PTPRD: variants seen among roughly 807,000 people sequenced by gnomAD.
PTPRD encodes the protein protein tyrosine phosphatase receptor type D, also known as receptor-type tyrosine-protein phosphatase delta.
In PTPRD, 34 loss-of-function variants were observed where a neutral mutation model predicts 214.5. The observed-to-expected ratio is 0.16, with a 90% CI of 0.12 to 0.21. The LOEUF is 0.21. Among genes scored for constraint, PTPRD ranks in the 10% least tolerant of loss-of-function variants. The probability of loss-of-function intolerance (pLI) is 1.00; values close to 1 mark genes in which losing one functional copy is unlikely to be tolerated. For missense variants in PTPRD, 2,545 were observed against 2,398.7 expected, an observed-to-expected ratio of 1.06 and a Z score of -1.27; for synonymous variants, 1,128 against 845.7, an observed-to-expected ratio of 1.33 and a Z score of -5.79.
intron 8 of PTPRD, among the ~76,000 whole-genome samples, chr9:9,533,955 T>C (rs539355714): frequency 6.6e-6 from 1 of 152,210 alleles, no homozygotes; most frequent in East Asian, 1.9e-4. Context: ...ATAATAATTA[T>C]ATGATGTGTC....
intron 2 of PTPRD, among the ~76,000 whole-genome samples, chr9:10,444,972 T>C (rs886911715): frequency 6.6e-6 from 1 of 151,752 alleles, no homozygotes; most frequent in Non-Finnish European, 1.5e-5. Context: ...AAAATACAAA[T>C]GTTGTTAAGA....
At chr9:8,787,523 T>A (rs2096037819) in intron 11 of PTPRD, among the ~76,000 whole-genome samples, 1 of 152,152 alleles carries the variant, frequency 6.6e-6, no homozygotes, top group South Asian at 2.1e-4. Flanking sequence ...GTGTACACAA[T>A]AATCTATATT....
chr9:9,035,062 T>C (rs981944871), intron 10 of PTPRD, among the ~76,000 whole-genome samples: 5 of 151,920 alleles, frequency 3.3e-5, no homozygotes, highest in African/African-American at 1.2e-4. Flanking sequence ...ATGGTGAGCT[T>C]TTGGAGTGTG....
At chr9:8,918,623 G>A (rs1336327350) in intron 11 of PTPRD, among the ~76,000 whole-genome samples, 1 of 152,138 alleles carries the variant, frequency 6.6e-6, no homozygotes, top group Non-Finnish European at 1.5e-5. Flanking sequence ...TGTAGCCTAT[G>A]TTAGAAAACA....
At chr9:10,205,513 C>T (rs1458738757) in intron 3 of PTPRD, among the ~76,000 whole-genome samples, 1 of 152,044 alleles carries the variant, frequency 6.6e-6, no homozygotes, top group African/African-American at 2.4e-5. Flanking sequence ...TCAAGTGATT[C>T]TCCTGCCACA....
rs1554901482 is a variant in PTPRD at position 10,230,444 on chromosome 9, C to CTATCTATG, written c.-545+110518_-545+110519insCATAGATA. Reference sequence around the variant, plus strand: ...TGTATCTATGTATCTATGTATCTATCTATCTATCTATCTATCTATCTATCT... The same window carrying CTATCTATG: ...TGTATCTATGTATCTATGTATCTATCTATCTATGTATCTATCTATCTATCTATCTATCT... On this transcript the variant is annotated intron_variant, in intron 3 of 45. Coordinates refer to ENST00000381196, the MANE Select transcript of PTPRD (RefSeq NM_002839.4). Among the ~76,000 whole-genome samples, 526 of 122,342 alleles carry CTATCTATG rather than the reference C, an allele frequency of 4.3e-3. 3 individuals are homozygous for CTATCTATG. The highest frequency in any genetic ancestry group is 0.014 in the African/African-American group (491 of 35,478). 80.3% of individuals were successfully genotyped at this position (122,342 alleles called of 152,430 possible).
At chr9:8,908,485 T>C (rs575889473) in intron 11 of PTPRD, among the ~76,000 whole-genome samples, 2 of 152,094 alleles carry the variant, frequency 1.3e-5, no homozygotes, top group Non-Finnish European at 2.9e-5. Context: ...AGCACATTTT[T>C]AAATAACCCA....
intron 8 of PTPRD, among the ~76,000 whole-genome samples, chr9:9,472,444 C>G (rs998726058): frequency 1.3e-5 from 2 of 151,850 alleles, no homozygotes; most frequent in East Asian, 3.9e-4. Context: ...ACCTCATGAT[C>G]CACCCGCCTC....
intron 9 of PTPRD, among the ~76,000 whole-genome samples, chr9:9,375,489 G>A (rs779247237): frequency 5.9e-5 from 9 of 152,092 alleles, no homozygotes; most frequent in Admixed American, 6.5e-5. Flanking sequence ...CCAGCTACTC[G>A]GGAGGCTGAG....
intron 5 of PTPRD, among the ~76,000 whole-genome samples, chr9:9,874,116 T>C (rs2066200855): frequency 6.6e-6 from 1 of 152,056 alleles, no homozygotes; most frequent in Admixed American, 6.6e-5. Context: ...GTGGTCTGGA[T>C]GAGTAAGAGT....
rs375365344 is a variant in PTPRD, at chr9:9,286,084, A to G, written c.-202-102721T>C. On this transcript the variant is annotated intron_variant, in intron 9 of 45. Coordinates refer to ENST00000381196, the MANE Select transcript of PTPRD (RefSeq NM_002839.4). The stretch of plus-strand genomic sequence containing the variant: ...TAAAAAATGTTGTTAGTATACATAA[A>G]TTTTCTGTGGTAAATTCTTTTGTGA... 4.0e-5 allele frequency among the ~76,000 whole-genome samples: 6 copies of G among 151,798 alleles called. No individual in the cohort carries two copies. The South Asian group carries it at 8.3e-4, about 21-fold the overall frequency.
rs34128512 is a variant in PTPRD, at chr9:9,578,045, C to CAAAAAAAAAAA, written c.-286-3275_-286-3265dup. Among the ~76,000 whole-genome samples, 4 of 102,392 alleles carry CAAAAAAAAAAA rather than the reference C, an allele frequency of 3.9e-5. 2 individuals are homozygous for CAAAAAAAAAAA. 67.2% of individuals were successfully genotyped at this position (102,392 alleles called of 152,430 possible). ...TTGGTGACAGAGTAAGACTCTGTCTCAAAAAAAAAAAAAAAAAAAAAAAAA... is the reference window on the plus strand; with the variant it reads ...TTGGTGACAGAGTAAGACTCTGTCTCAAAAAAAAAAAAAAAAAAAAAAAAAAAAAAAAAAAA... On this transcript the variant is annotated intron_variant, in intron 7 of 45. Coordinates refer to ENST00000381196, the MANE Select transcript of PTPRD (RefSeq NM_002839.4).
At chr9:9,910,431 T>C (rs7860643) in intron 5 of PTPRD, among the ~76,000 whole-genome samples, 61,087 of 151,470 alleles carry the variant, frequency 0.4, 12,839 homozygotes, top group African/African-American at 0.52. Context: ...CCCACGATTT[T>C]CTAGAAGAAA....
intron 3 of PTPRD, among the ~76,000 whole-genome samples, chr9:10,068,606 C>G (rs1388969569): frequency 1.3e-5 from 2 of 151,694 alleles, no homozygotes; most frequent in African/African-American, 4.8e-5. Flanking sequence ...CATATTTGTC[C>G]CTCTTTTTTT....
At chr9:10,403,647 C>G (rs1264129460) in intron 2 of PTPRD, among the ~76,000 whole-genome samples, 2 of 151,364 alleles carry the variant, frequency 1.3e-5, no homozygotes, top group Non-Finnish European at 3.0e-5. Flanking sequence ...TACATACAGA[C>G]CATGAAATAT....
At chr9:10,550,055 T>G (rs1483202456) in intron 2 of PTPRD, among the ~76,000 whole-genome samples, 1 of 152,124 alleles carries the variant, frequency 6.6e-6, no homozygotes, top group Admixed American at 6.6e-5. Context: ...TTCAGAACAA[T>G]GAAATCTAAG....
intron 3 of PTPRD, among the ~76,000 whole-genome samples, chr9:10,267,540 T>A (rs1310228496): frequency 6.6e-6 from 1 of 152,056 alleles, no homozygotes; most frequent in Non-Finnish European, 1.5e-5. Context: ...AGAAAGAAAA[T>A]TCTTGCCCAA....
At chr9:9,321,301 A>T (rs778526187) in intron 9 of PTPRD, among the ~76,000 whole-genome samples, 2 of 152,178 alleles carry the variant, frequency 1.3e-5, no homozygotes, top group Non-Finnish European at 2.9e-5. Flanking sequence ...CATGCCTGTA[A>T]TCCCAACACT....
intron 10 of PTPRD, among the ~76,000 whole-genome samples, chr9:9,036,764 C>T (rs983722106): frequency 8.5e-5 from 13 of 152,048 alleles, no homozygotes; most frequent in African/African-American, 2.9e-4. Flanking sequence ...TCCTGTTTGT[C>T]CCCATTTCTT....
Sources: allele counts gnomAD v4.1 joint callset (sites outside exome capture counted in the v4.1 genomes callset), GRCh38; gene constraint gnomAD v4.1.1; transcripts MANE v1.5; gene names NCBI Gene and HGNC (gene_info 2026-07-23, HGNC 2026-07-21).